TRAK1: variants seen among roughly 807,000 people sequenced by gnomAD.
TRAK1 encodes trafficking kinesin protein 1, also known as trafficking kinesin-binding protein 1.
TRAK1 carries 33 observed loss-of-function variants against 92.1 expected under a neutral mutation model. The ratio of observed to expected loss-of-function variants is 0.36; its 90% confidence interval spans 0.27 to 0.48. The LOEUF (loss-of-function observed/expected upper bound fraction) is 0.48, where lower values mean the gene tolerates loss of function less well. Ranked by LOEUF, TRAK1 falls within the 20% of genes least tolerant of loss-of-function variation. The probability of loss-of-function intolerance (pLI) is 0.99; values close to 1 mark genes in which losing one functional copy is unlikely to be tolerated. For synonymous variants in TRAK1, 521 were observed against 517.3 expected (o/e 1.01, Z -0.10); for missense variants, 1,123 against 1,257.9 (o/e 0.89, Z 1.62).
intron 1 of TRAK1, among the ~76,000 whole-genome samples, chr3:42,107,242 G>T (rs577054700): frequency 6.6e-6 from 1 of 152,182 alleles, no homozygotes; most frequent in Non-Finnish European, 1.5e-5. Flanking sequence ...TGGGCTGGGC[G>T]CAGTGCCTTA....
chr3:42,063,080 G>A (rs1703516067), intron 1 of TRAK1, among the ~76,000 whole-genome samples: 1 of 152,212 alleles, frequency 6.6e-6, no homozygotes. Context: ...ACCAAATCCA[G>A]TGCTTATTCT....
At chr3:42,034,483 A>C (rs1702257282) in intron 1 of TRAK1, among the ~76,000 whole-genome samples, 2 of 152,010 alleles carry the variant, frequency 1.3e-5, no homozygotes, top group South Asian at 4.2e-4. Flanking sequence ...TATAGAGATG[A>C]GGTTTCTCCA....
At chr3:42,058,361 G>C (rs761829787) in intron 1 of TRAK1, among the ~76,000 whole-genome samples, 2 of 151,620 alleles carry the variant, frequency 1.3e-5, no homozygotes, top group Non-Finnish European at 2.9e-5. Context: ...TTTTGAGACA[G>C]AGTCTCACTC....
intron 1 of TRAK1, among the ~76,000 whole-genome samples, chr3:42,017,251 ACT>A (rs781362122): frequency 1.3e-5 from 2 of 152,200 alleles, no homozygotes; most frequent in South Asian, 2.1e-4. Context: ...ACAGAGTGAG[ACT>A]CTGTCTCAAA....
chr3:42,160,655 G>A (rs1254128122), intron 2 of TRAK1, among the ~76,000 whole-genome samples: 1 of 150,350 alleles, frequency 6.7e-6, no homozygotes, highest in Non-Finnish European at 1.5e-5. Flanking sequence ...CCCTCACCCA[G>A]AGAACAGCAT....
At chr3:42,216,773 A>C (rs1161490886) in intron 14 of TRAK1, among the ~76,000 whole-genome samples, 1 of 152,212 alleles carries the variant, frequency 6.6e-6, no homozygotes, top group Non-Finnish European at 1.5e-5. Flanking sequence ...CAAATGATGA[A>C]AATATTTGTC....
chr3:42,150,877 G>A (rs1294745871), intron 2 of TRAK1, among the ~76,000 whole-genome samples: 1 of 152,264 alleles, frequency 6.6e-6, no homozygotes, highest in East Asian at 1.9e-4. Flanking sequence ...GTCATGAGGG[G>A]AAAAGATGAG....
intron 3 of TRAK1, among the ~76,000 whole-genome samples, chr3:42,182,560 A>T (rs1364706784): frequency 6.6e-6 from 1 of 152,152 alleles, no homozygotes; most frequent in African/African-American, 2.4e-5. Flanking sequence ...TACGGGTGAG[A>T]GCCACTGTGC....
chr3:42,045,205 A>C (rs1213716896), intron 1 of TRAK1, among the ~76,000 whole-genome samples: 3 of 152,060 alleles, frequency 2.0e-5, no homozygotes, highest in East Asian at 3.9e-4. Context: ...TGAGGGTAAA[A>C]ATTTTGAAGG....
chr3:42,101,893 T>C (rs1274112511), intron 1 of TRAK1, among the ~76,000 whole-genome samples: 2 of 152,190 alleles, frequency 1.3e-5, no homozygotes, highest in African/African-American at 4.8e-5. Context: ...TCCACCTATT[T>C]ACTCCGCGTT....
At chr3:42,067,544 T>C (rs1427862385) in intron 1 of TRAK1, among the ~76,000 whole-genome samples, 1 of 152,142 alleles carries the variant, frequency 6.6e-6, no homozygotes, top group African/African-American at 2.4e-5. Context: ...CTTTTCAAAA[T>C]ACATGCCTTA....
intron 1 of TRAK1, among the ~76,000 whole-genome samples, chr3:42,054,904 ATTTTTTTTTTTTTTTTTTTTT>A (rs1157067369): frequency 1.6e-4 from 6 of 37,106 alleles, no homozygotes; most frequent in African/African-American, 4.5e-4. Flanking sequence ...AGCAAACTAG[ATTTTTTTTTTTTTTTTTTTTT>A]TTTTTTTTTT....
intron 1 of TRAK1, among the ~76,000 whole-genome samples, chr3:42,040,942 G>A (rs934784408): frequency 2.0e-5 from 3 of 152,210 alleles, no homozygotes; most frequent in Admixed American, 2.0e-4. Context: ...GCCTCTCAAA[G>A]TGCTGGATTA....
intron 2 of TRAK1, among the ~76,000 whole-genome samples, chr3:42,169,635 C>T (rs1342569981): frequency 6.7e-6 from 1 of 149,286 alleles, no homozygotes; most frequent in Non-Finnish European, 1.5e-5. Flanking sequence ...CGCGCCATTG[C>T]ACTCCAGCCT....
chr3:42,180,677 CAAAAAAAA>C (rs33959095), intron 3 of TRAK1, among the ~76,000 whole-genome samples: 1 of 87,124 alleles, frequency 1.1e-5, no homozygotes, highest in African/African-American at 4.6e-5. Flanking sequence ...AGACCTGTCT[CAAAAAAAA>C]AAAAAAAAAA....
chr3:42,119,563 G>A (rs906492053), intron 1 of TRAK1, among the ~76,000 whole-genome samples: 2 of 152,178 alleles, frequency 1.3e-5, no homozygotes, highest in African/African-American at 4.8e-5. Context: ...AAGTTCAAGT[G>A]GAAGGAGGTC....
chr3:42,213,482 C>T (rs1365901958), intron 14 of TRAK1, among the ~76,000 whole-genome samples: 1 of 152,264 alleles, frequency 6.6e-6, no homozygotes, highest in Non-Finnish European at 1.5e-5. Flanking sequence ...CAGCTTCTTT[C>T]GTTGCCTCCT....
At chr3:42,203,970 G>C in intron 13 of TRAK1, 5 of 985,824 alleles carry the variant, frequency 5.1e-6, no homozygotes, top group Non-Finnish European at 6.0e-6. Flanking sequence ...GCTTGTTAAA[G>C]ACCCAAGACA....
At chr3:42,088,963 G>A (rs779384067), upstream of TRAK1, among the ~76,000 whole-genome samples, 9 of 152,238 alleles carry the variant, frequency 5.9e-5, no homozygotes, top group Middle Eastern at 3.4e-3. Context: ...CTGGCCACTC[G>A]GTGGTTTCTG....
Sources: gnomAD v4.1 joint callset for allele counts (sites outside exome capture counted in the v4.1 genomes callset) on GRCh38, gnomAD v4.1.1 for gene constraint, MANE v1.5 for transcripts, NCBI Gene and HGNC (gene_info 2026-07-23, HGNC 2026-07-21) for gene names.